The following RHPN2 variants were observed in gnomAD, a reference collection of about 807,000 sequenced individuals.
RHPN2 encodes the protein rhophilin Rho GTPase binding protein 2.
In RHPN2, 40 loss-of-function variants were observed where a neutral mutation model predicts 79.0. The observed-to-expected ratio is 0.51, with a 90% CI of 0.39 to 0.66. The LOEUF is 0.66. Ranked by LOEUF, RHPN2 falls within the 30% of genes least tolerant of loss-of-function variation. The pLI, the probability that RHPN2 is intolerant of heterozygous loss-of-function variation, is 0.00. For missense variants in RHPN2, 686 were observed against 883.5 expected, an observed-to-expected ratio of 0.78 and a Z score of 2.83; for synonymous variants, 285 against 363.5, an observed-to-expected ratio of 0.78 and a Z score of 2.46.
intron 2 of RHPN2, among the ~76,000 whole-genome samples, chr19:33,030,949 G>A (rs773487320): frequency 6.6e-6 from 1 of 152,132 alleles, no homozygotes; most frequent in Non-Finnish European, 1.5e-5. Context: ...TGACTGATGA[G>A]CTGTCAATCA....
chr19:33,001,021 G>A lies in RHPN2; in HGVS notation c.1105+1226C>T, dbSNP rs549996393. Reference sequence around the variant, plus strand: ...TATATAAAGCATTATTGAGCTTTGCGTACAGGCCCTTCGTTTTCGTTTTCA... The same window carrying A: ...TATATAAAGCATTATTGAGCTTTGCATACAGGCCCTTCGTTTTCGTTTTCA... On this transcript the variant is annotated intron_variant, in intron 9 of 14. Transcript: ENST00000254260. 1.8e-4 allele frequency among the ~76,000 whole-genome samples: 27 copies of A among 152,248 alleles called. 1 individual carries two copies. The South Asian group carries it at 1.9e-3, about 11-fold the overall frequency.
At chr19:32,993,080 T>TATGATCCA (rs1971673811) in intron 12 of RHPN2, among the ~76,000 whole-genome samples, 1 of 152,080 alleles carries the variant, frequency 6.6e-6, no homozygotes, top group Admixed American at 6.6e-5. Context: ...ATCATGCCGC[T>TATGATCCA]GTAATCCAGC....
intron 1 of RHPN2, among the ~76,000 whole-genome samples, chr19:33,056,847 C>A (rs1053312293): frequency 6.6e-6 from 1 of 151,394 alleles, no homozygotes; most frequent in Non-Finnish European, 1.5e-5. Context: ...CAGTGGCTCA[C>A]GCCTGTAATC....
At chr19:33,007,924 G>A (rs1210216886) in intron 7 of RHPN2, 90 bp downstream of exon 7, 1 of 1,411,898 alleles carries the variant, frequency 7.1e-7, no homozygotes, top group Non-Finnish European at 9.9e-7. Context: ...CCTTGCGAGG[G>A]ATGACCTGTA....
At chr19:33,038,288 C>T (rs1972074398) in intron 2 of RHPN2, among the ~76,000 whole-genome samples, 1 of 143,902 alleles carries the variant, frequency 6.9e-6, no homozygotes, top group East Asian at 2.1e-4. Context: ...GGCAACAGAG[C>T]GAGACTCCAT....
chr19:33,055,742 A>AAC (rs1486225175), intron 1 of RHPN2, among the ~76,000 whole-genome samples: 1 of 147,804 alleles, frequency 6.8e-6, no homozygotes, highest in East Asian at 2.0e-4. Context: ...TTAAAAAAAA[A>AAC]AAAAAACAAC....
At chr19:33,016,103 A>T (rs1456566228) in intron 4 of RHPN2, among the ~76,000 whole-genome samples, 4 of 152,180 alleles carry the variant, frequency 2.6e-5, no homozygotes, top group South Asian at 2.1e-4. Context: ...ACCTTTCACA[A>T]TAGCAACAAA....
chr19:33,010,116 G>A (rs964583588), intron 6 of RHPN2, among the ~76,000 whole-genome samples: 7 of 152,106 alleles, frequency 4.6e-5, no homozygotes, highest in African/African-American at 1.4e-4. Context: ...GAACCAGGGG[G>A]TGTGCAGACA....
chr19:33,040,221 G>A (rs1182270857), intron 2 of RHPN2, among the ~76,000 whole-genome samples: 1 of 147,846 alleles, frequency 6.8e-6, no homozygotes, highest in Non-Finnish European at 1.5e-5. Context: ...GTTAAAACTA[G>A]GCAACCTGCC....
intron 5 of RHPN2, 94 bp downstream of exon 5, chr19:33,012,553 C>A (rs1403710676): frequency 2.4e-6 from 2 of 836,250 alleles, no homozygotes; most frequent in Non-Finnish European, 2.1e-6. Flanking sequence ...TCTATCCACC[C>A]GCGATTCTGT....
intron 14 of RHPN2, among the ~76,000 whole-genome samples, chr19:32,990,137 T>TAAAAGAAAGAAAG (rs370372368): frequency 0.011 from 205 of 17,878 alleles, no homozygotes; most frequent in African/African-American, 0.099. Flanking sequence ...AGAAAATGAA[T>TAAAAGAAAGAAAG]AAAGAAAGAA....
Position 33,008,124 on chromosome 19 carries a change from GC to G in RHPN2, c.649del (p.Ala217ProfsTer30). 6.2e-7 allele frequency: 1 copy of G among 1,614,094 alleles called. No individual in the cohort carries two copies. The highest frequency in any genetic ancestry group is 8.5e-7 in the Non-Finnish European group (1 of 1,180,004). On this transcript the variant is annotated frameshift_variant, in exon 7 of 15. Coordinates refer to ENST00000254260, the MANE Select transcript of RHPN2 (RefSeq NM_033103.5). LOFTEE classifies it high-confidence loss of function. Reference sequence around the variant, plus strand: ...GGCCCCAGTGTTGAACAGGACACTGGCCTTCTCCAGCAGCAGGTTCTGCTGG... The same window carrying G: ...GGCCCCAGTGTTGAACAGGACACTGGCTTCTCCAGCAGCAGGTTCTGCTGG... ...VSQQNLLLEKASVLFNTGALY... is the reference protein window; with the variant it reads ...VSQQNLLLEKXSVLFNTGALY...
chr19:33,022,695 A>G (rs1240877829), intron 3 of RHPN2, among the ~76,000 whole-genome samples: 1 of 152,152 alleles, frequency 6.6e-6, no homozygotes, highest in Admixed American at 6.5e-5. Context: ...TGTGTTTTGC[A>G]AACAAGGATT....
At chr19:32,990,705 G>A (rs1243046356) in intron 13 of RHPN2, 36 bp from the exon 14 acceptor site, 3 of 1,613,248 alleles carry the variant, frequency 1.9e-6, no homozygotes, top group African/African-American at 1.3e-5. Flanking sequence ...TCAACGTTTT[G>A]TTCACTCAAA....
rs1432807055 is a variant in RHPN2 at position 32,991,886 on chromosome 19, C to T, written c.1581G>A (p.Gly527=). 6.2e-7 allele frequency: 1 copy of T among 1,613,956 alleles called. No individual in the cohort carries two copies. The highest frequency in any genetic ancestry group is 8.5e-7 in the Non-Finnish European group (1 of 1,179,870). ...IRFTAEEGDL[G]FTLRGNAPVQ... ...CGGGGGCGTTCCCTCTCAAGGTGAACCCCAAGTCCCCTTCTTCTGCAGTGA... is the reference window on the plus strand; with the variant it reads ...CGGGGGCGTTCCCTCTCAAGGTGAATCCCAAGTCCCCTTCTTCTGCAGTGA... The change falls in exon 13 of 15, where the codon GGG becomes GGA. Residue 527 remains glycine, a synonymous_variant. Transcript: ENST00000254260.
intron 14 of RHPN2, among the ~76,000 whole-genome samples, chr19:32,981,489 A>G (rs1227904492): frequency 2.9e-5 from 4 of 137,100 alleles, no homozygotes; most frequent in African/African-American, 1.1e-4. Flanking sequence ...GGAGAAGGGA[A>G]TGGAAGAGGG....
intron 1 of RHPN2, among the ~76,000 whole-genome samples, chr19:33,062,399 T>G (rs968244512): frequency 6.6e-6 from 1 of 151,050 alleles, no homozygotes; most frequent in African/African-American, 2.4e-5. Context: ...TAGATGGAGG[T>G]TGCAGTGAGC....
rs758409340 is a variant in RHPN2, at chr19:33,017,703, T to TA, written c.390+3867dup. ...ATCATAGTGAGGAGACCCCATCTCTTAAAAAAAAAAAAAAAAAAAAAAGAG... is the reference window on the plus strand; with the variant it reads ...ATCATAGTGAGGAGACCCCATCTCTTAAAAAAAAAAAAAAAAAAAAAAAGAG... On this transcript the variant is annotated intron_variant, in intron 4 of 14. Coordinates refer to ENST00000254260, the MANE Select transcript of RHPN2 (RefSeq NM_033103.5). 2.5e-3 allele frequency among the ~76,000 whole-genome samples: 244 copies of TA among 98,088 alleles called. 1 individual carries two copies. Among genetic ancestry groups the TA allele is most frequent in the African/African-American group, 6.3e-3 (173 of 27,314 alleles). The allele number at this position is 98,088 out of a possible 152,430, so 64.3% of individuals were successfully genotyped here. A position where few individuals can be genotyped will look rare whatever the true frequency, so the allele number is the denominator to read the frequency against.
At chr19:33,047,604 G>C (rs772985902) in intron 1 of RHPN2, among the ~76,000 whole-genome samples, 51 of 152,130 alleles carry the variant, frequency 3.4e-4, no homozygotes, top group Non-Finnish European at 6.5e-4. Context: ...CTCTCTCCCT[G>C]AGTCACATCT....
Sources: gnomAD v4.1 joint callset for allele counts (sites outside exome capture counted in the v4.1 genomes callset) on GRCh38, gnomAD v4.1.1 for gene constraint, MANE v1.5 for transcripts, NCBI Gene and HGNC (gene_info 2026-07-23, HGNC 2026-07-21) for gene names.